The following PARD3 variants were observed in gnomAD, a reference collection of about 807,000 sequenced individuals.
PARD3 encodes the protein partitioning defective 3 homolog.
A neutral mutation model predicts 155.4 loss-of-function variants in PARD3; 75 were observed. The observed-to-expected ratio is 0.48, with a 90% CI of 0.40 to 0.58. PARD3 has a LOEUF of 0.58. Ranked by LOEUF, PARD3 falls within the 20% of genes least tolerant of loss-of-function variation. The pLI is 0.00. For synonymous variants in PARD3, 576 were observed against 610.5 expected (o/e 0.94, Z 0.83); for missense variants, 1,642 against 1,721.7 (o/e 0.95, Z 0.82).
chr10:34,331,753 C>CTT (rs35638866), intron 18 of PARD3, among the ~76,000 whole-genome samples: 3,108 of 148,422 alleles, frequency 0.021, 35 homozygotes, highest in Middle Eastern at 0.041. Context: ...TAATTAAAAC[C>CTT]TTTTTTTTTT....
intron 20 of PARD3, among the ~76,000 whole-genome samples, chr10:34,316,579 C>T (rs1453317634): frequency 6.6e-6 from 1 of 152,112 alleles, no homozygotes; most frequent in Non-Finnish European, 1.5e-5. Flanking sequence ...AATGCTACCA[C>T]TAACTTGAGC....
chr10:34,547,494 C>G (rs2084179024), intron 2 of PARD3, among the ~76,000 whole-genome samples: 1 of 152,160 alleles, frequency 6.6e-6, no homozygotes, highest in Admixed American at 6.5e-5. Context: ...GCATCATTGC[C>G]AAGAACTCGT....
At chr10:34,611,807 CTTTTTTTTTTT>C (rs397829689) in intron 2 of PARD3, among the ~76,000 whole-genome samples, 4 of 109,236 alleles carry the variant, frequency 3.7e-5, no homozygotes, top group Non-Finnish European at 7.1e-5. Flanking sequence ...ACATTTCTTT[CTTTTTTTTTTT>C]TTTTTTTTTG....
intron 9 of PARD3, among the ~76,000 whole-genome samples, chr10:34,379,498 A>T (rs1390485045): frequency 6.6e-6 from 1 of 152,094 alleles, no homozygotes; most frequent in African/African-American, 2.4e-5. Flanking sequence ...CTCTGCTTTC[A>T]TGAAACTCTA....
chr10:34,529,095 A>G (rs1195349703), intron 2 of PARD3, among the ~76,000 whole-genome samples: 1 of 152,208 alleles, frequency 6.6e-6, no homozygotes, highest in Non-Finnish European at 1.5e-5. Flanking sequence ...ACATGCTCTC[A>G]GCCAGTTCCT....
At chr10:34,170,479 C>A (rs748103) in intron 22 of PARD3, among the ~76,000 whole-genome samples, 1 of 152,176 alleles carries the variant, frequency 6.6e-6, no homozygotes, top group East Asian at 1.9e-4. Flanking sequence ...ATGCACAAGA[C>A]AGAGACTACC....
chr10:34,268,291 G>A (rs1196178526), intron 22 of PARD3, among the ~76,000 whole-genome samples: 2 of 151,982 alleles, frequency 1.3e-5, no homozygotes, highest in Admixed American at 6.6e-5. Context: ...AGGTGCTGGA[G>A]AGGATGTGGA....
chr10:34,175,639 T>C (rs1949999238), intron 22 of PARD3, among the ~76,000 whole-genome samples: 3 of 152,190 alleles, frequency 2.0e-5, no homozygotes, highest in Non-Finnish European at 4.4e-5. Flanking sequence ...GACATTCAAG[T>C]ATCAGACAAT....
At chr10:34,427,596 G>C (rs143655801) in intron 5 of PARD3, among the ~76,000 whole-genome samples, 1,546 of 152,194 alleles carry the variant, frequency 0.01, 25 homozygotes, top group African/African-American at 0.034. Flanking sequence ...CCTGCCTTGC[G>C]ATCTTTTGTT....
chr10:34,331,471 G>A (rs1051626710), intron 18 of PARD3, 127 bp from the exon 19 acceptor site: 5 of 567,064 alleles, frequency 8.8e-6, no homozygotes, highest in Non-Finnish European at 1.6e-5. Context: ...GAATGCAGAT[G>A]GAAAAGACAA....
At chr10:34,701,646 G>C (rs2094281453) in intron 1 of PARD3, among the ~76,000 whole-genome samples, 2 of 152,244 alleles carry the variant, frequency 1.3e-5, no homozygotes, top group South Asian at 4.1e-4. Flanking sequence ...TATACTCCCA[G>C]TGCTTTGGGA....
At chr10:34,806,064 T>C (rs1221096043) in intron 1 of PARD3, among the ~76,000 whole-genome samples, 1 of 151,844 alleles carries the variant, frequency 6.6e-6, no homozygotes, top group Non-Finnish European at 1.5e-5. Flanking sequence ...AGAGTCTCGC[T>C]GTGTCACCCA....
chr10:34,806,127 C>T (rs1330065979), intron 1 of PARD3, among the ~76,000 whole-genome samples: 1 of 151,788 alleles, frequency 6.6e-6, no homozygotes, highest in Non-Finnish European at 1.5e-5. Flanking sequence ...AACTCCTGAG[C>T]TCAAGCAATC....
At position 34,517,089 on chromosome 10, in the gene PARD3, G is replaced by A. The variant is rs2081822425; in HGVS notation, c.293C>T (p.Thr98Ile). The A allele has an allele frequency of 6.2e-7, 1 of 1,614,082 alleles. No homozygotes were observed. Among genetic ancestry groups the A allele is most frequent in the South Asian group, 1.1e-5 (1 of 91,092 alleles). Residue 98 changes from threonine (T) to isoleucine (I), a missense_variant, in exon 3 of 25, where the codon ACC (threonine) becomes ATC (isoleucine). Physicochemically the swap from Thr to Ile is moderately conservative, Grantham distance 89. Around this residue, in one of 3 missense-constraint regions of PARD3, gnomAD observed 38 missense variants for 69.1 expected, o/e 0.55. Transcript: ENST00000374788. ...GDGTSASSTG[T>I]QSPEIFGSEL... ...ACTACCAAATATCTCTGGGCTCTGG[G>A]TACCCGTGGAACTGGCACTGGTGCC... is the stretch of plus-strand genomic sequence containing the variant.
chr10:34,508,857 G>T (rs1010523381), intron 3 of PARD3, among the ~76,000 whole-genome samples: 4 of 152,064 alleles, frequency 2.6e-5, no homozygotes, highest in Non-Finnish European at 1.5e-5. Flanking sequence ...ACATGATCGC[G>T]CACACCATTC....
intron 19 of PARD3, among the ~76,000 whole-genome samples, chr10:34,322,523 GTTAT>G (rs1282905864): frequency 1.3e-5 from 2 of 152,120 alleles, no homozygotes; most frequent in East Asian, 1.9e-4. Flanking sequence ...TATCTATTGT[GTTAT>G]TTGTCTTAAG....
intron 22 of PARD3, among the ~76,000 whole-genome samples, chr10:34,140,163 T>G (rs1355493446): frequency 6.6e-6 from 1 of 152,172 alleles, no homozygotes; most frequent in Admixed American, 6.5e-5. Flanking sequence ...ATCAGGAGCA[T>G]TCTTGATAAA....
In PARD3 at chr10:34,433,909, G is replaced by A. The variant is rs146850028; in HGVS notation, c.714+16408C>T. The stretch of plus-strand genomic sequence containing the variant: ...CCACACATTGAGTCATGCCTCCCTC[G>A]AAAACAAAGCAAATTAAAAACTCAG... On this transcript the variant is annotated intron_variant, in intron 5 of 24. Transcript: ENST00000374788. Among the ~76,000 whole-genome samples, 452 of 152,110 alleles carry A rather than the reference G, an allele frequency of 3.0e-3. 1 individual carries two copies. The highest frequency in any genetic ancestry group is 4.5e-3 in the Non-Finnish European group (309 of 67,996).
chr10:34,422,937 T>C (rs2075396996), intron 5 of PARD3, among the ~76,000 whole-genome samples: 1 of 152,146 alleles, frequency 6.6e-6, no homozygotes, highest in Non-Finnish European at 1.5e-5. Flanking sequence ...TGGGCATGTA[T>C]CCAAAGAAAA....
Sources: gnomAD v4.1 joint callset for allele counts (sites outside exome capture counted in the v4.1 genomes callset) on GRCh38, gnomAD v4.1.1 for gene constraint, gnomAD v4.1.1 regional missense constraint, MANE v1.5 for transcripts, NCBI Gene and HGNC (gene_info 2026-07-23, HGNC 2026-07-21) for gene names.